STK32B: variants seen among roughly 807,000 people sequenced by gnomAD.
STK32B encodes the protein serine/threonine kinase 32B, also known as serine/threonine-protein kinase 32B.
STK32B carries 43 observed loss-of-function variants against 52.6 expected under a neutral mutation model. The observed-to-expected ratio is 0.82, with a 90% CI of 0.64 to 1.05. The LOEUF is 1.05. STK32B is among the 50% of genes least tolerant of loss of function. The pLI, the probability that STK32B is intolerant of heterozygous loss-of-function variation, is 0.00. For missense variants in STK32B, 621 were observed against 534.6 expected (o/e 1.16, Z -1.59); for synonymous variants, 238 against 204.3 (o/e 1.17, Z -1.41).
In STK32B at chr4:5,109,855, A is replaced by G. The variant is rs7662827; in HGVS notation, c.53-30050A>G. Among the ~76,000 whole-genome samples, 1,214 of 152,308 alleles carry G rather than the reference A, an allele frequency of 8.0e-3. 18 individuals are homozygous for G. The highest frequency in any genetic ancestry group is 0.028 in the African/African-American group (1,170 of 41,562). On this transcript the variant is annotated intron_variant, in intron 1 of 11. Coordinates refer to ENST00000282908, the MANE Select transcript of STK32B (RefSeq NM_018401.3). ...CAGTTCTCTGACAACATGATCATAT[A>G]CCTCGAAAACCTTGAAGACTCCTCT...
intron 3 of STK32B, among the ~76,000 whole-genome samples, chr4:5,277,029 G>C (rs1727867723): frequency 6.6e-6 from 1 of 152,260 alleles, no homozygotes; most frequent in African/African-American, 2.4e-5. Context: ...AGTTTCTCCA[G>C]ATGAACTTTT....
intron 4 of STK32B, among the ~76,000 whole-genome samples, chr4:5,383,786 T>G (rs11721887): frequency 0.25 from 38,743 of 152,176 alleles, 5,874 homozygotes; most frequent in African/African-American, 0.43. Context: ...ATTCATCCAT[T>G]CAACTATCCA....
chr4:5,078,940 T>G (rs754744000), intron 1 of STK32B, among the ~76,000 whole-genome samples: 1 of 152,228 alleles, frequency 6.6e-6, no homozygotes, highest in Non-Finnish European at 1.5e-5. Context: ...TTAGAATAAC[T>G]ATCTCTGTTA....
intron 3 of STK32B, among the ~76,000 whole-genome samples, chr4:5,170,424 A>G (rs998966890): frequency 1.3e-5 from 2 of 151,964 alleles, no homozygotes; most frequent in South Asian, 2.1e-4. Context: ...TCGTCATTTA[A>G]CATTAGGTAT....
intron 2 of STK32B, among the ~76,000 whole-genome samples, chr4:5,155,763 C>T (rs573032460): frequency 5.6e-4 from 86 of 152,226 alleles, no homozygotes; most frequent in Non-Finnish European, 1.1e-3. Context: ...CTTCATCTTT[C>T]GCCATGATTG....
At chr4:5,193,007 G>A (rs968992903) in intron 3 of STK32B, among the ~76,000 whole-genome samples, 6 of 152,198 alleles carry the variant, frequency 3.9e-5, no homozygotes, top group African/African-American at 1.4e-4. Flanking sequence ...GCAATGGGGG[G>A]ATGGTCCCCA....
chr4:5,335,221 G>C (rs370944187), intron 4 of STK32B, among the ~76,000 whole-genome samples: 149 of 152,182 alleles, frequency 9.8e-4, no homozygotes, highest in East Asian at 1.4e-3. Context: ...TGTATGTGTC[G>C]AGGAATTTAT....
At chr4:5,080,484 A>G (rs1272285343) in intron 1 of STK32B, among the ~76,000 whole-genome samples, 2 of 152,240 alleles carry the variant, frequency 1.3e-5, no homozygotes, top group East Asian at 3.9e-4. Context: ...CTGAAACGTC[A>G]GTTTCTCAAG....
At chr4:5,062,382 C>T (rs957958482) in intron 1 of STK32B, among the ~76,000 whole-genome samples, 2 of 152,234 alleles carry the variant, frequency 1.3e-5, no homozygotes, top group African/African-American at 2.4e-5. Context: ...TGAGCCAACT[C>T]ATGAACCTCA....
chr4:5,317,242 T>TA (rs1178211801), intron 3 of STK32B, among the ~76,000 whole-genome samples: 1 of 52,926 alleles, frequency 1.9e-5, no homozygotes, highest in African/African-American at 2.2e-4. Context: ...AACATATATA[T>TA]ATTATATATA....
At chr4:5,405,695 TAC>T (rs1380269703) in intron 5 of STK32B, among the ~76,000 whole-genome samples, 4 of 152,058 alleles carry the variant, frequency 2.6e-5, no homozygotes, top group Non-Finnish European at 5.9e-5. Flanking sequence ...GGGGAAGTGC[TAC>T]ACACTTTTAT....
At chr4:5,186,917 G>C (rs1720787837) in intron 3 of STK32B, among the ~76,000 whole-genome samples, 1 of 152,226 alleles carries the variant, frequency 6.6e-6, no homozygotes, top group East Asian at 1.9e-4. Context: ...TCAGGGGGCA[G>C]GATTGGCAGC....
intron 3 of STK32B, among the ~76,000 whole-genome samples, chr4:5,169,698 G>C (rs570187699): frequency 8.6e-5 from 13 of 152,024 alleles, no homozygotes; most frequent in Non-Finnish European, 1.8e-4. Flanking sequence ...AACTTTGATT[G>C]TTTGGGAGAA....
chr4:5,201,648 A>G (rs1722156487), intron 3 of STK32B, among the ~76,000 whole-genome samples: 1 of 152,206 alleles, frequency 6.6e-6, no homozygotes, highest in Non-Finnish European at 1.5e-5. Flanking sequence ...ATTGACTCAC[A>G]GTTACACATG....
At chr4:5,177,128 A>G (rs1378428093) in intron 3 of STK32B, among the ~76,000 whole-genome samples, 1 of 152,230 alleles carries the variant, frequency 6.6e-6, no homozygotes, top group East Asian at 1.9e-4. Flanking sequence ...ATACTGCTAT[A>G]AAGAACTGCC....
At chr4:5,170,919 CCCACCAACAGTGTAAAAGT>C (rs1719317707) in intron 3 of STK32B, among the ~76,000 whole-genome samples, 1 of 152,198 alleles carries the variant, frequency 6.6e-6, no homozygotes, top group African/African-American at 2.4e-5. Context: ...AGTTTACAGT[CCCACCAACAGTGTAAAAGT>C]CCTATTTCTC....
intron 3 of STK32B, among the ~76,000 whole-genome samples, chr4:5,172,070 A>G (rs1039284109): frequency 6.6e-6 from 1 of 151,670 alleles, no homozygotes; most frequent in Admixed American, 6.6e-5. Context: ...CTTTGAAGCA[A>G]TTGAGAATGG....
chr4:5,264,285 A>T (rs1726913106), intron 3 of STK32B, among the ~76,000 whole-genome samples: 1 of 152,172 alleles, frequency 6.6e-6, no homozygotes, highest in Admixed American at 6.5e-5. Context: ...GTTACTCCAT[A>T]TCCTTATCAA....
intron 3 of STK32B, among the ~76,000 whole-genome samples, chr4:5,305,934 A>T (rs1729899135): frequency 6.6e-6 from 1 of 152,078 alleles, no homozygotes; most frequent in Non-Finnish European, 1.5e-5. Context: ...ATAATTTTTT[A>T]AATTCCCATC....
Sources: allele counts gnomAD v4.1 joint callset (sites outside exome capture counted in the v4.1 genomes callset), GRCh38; gene constraint gnomAD v4.1.1; transcripts MANE v1.5; gene names NCBI Gene and HGNC (gene_info 2026-07-23, HGNC 2026-07-21).